The following PAPPA variants were observed in gnomAD, a reference collection of about 807,000 sequenced individuals.
PAPPA encodes the protein pappalysin-1.
In PAPPA, 60 loss-of-function variants were observed where a neutral mutation model predicts 164.0. That is an observed-to-expected ratio of 0.37 (90% confidence interval 0.30 to 0.45). The LOEUF is 0.45. PAPPA is among the 20% of genes least tolerant of loss of function. The pLI is 1.00. For synonymous variants in PAPPA, 875 were observed against 814.1 expected (o/e 1.07, Z -1.27); for missense variants, 1,782 against 2,087.3 (o/e 0.85, Z 2.85).
chr9:116,394,190 G>T (rs1846931220), intron 21 of PAPPA, among the ~76,000 whole-genome samples: 2 of 152,138 alleles, frequency 1.3e-5, no homozygotes, highest in African/African-American at 4.8e-5. Flanking sequence ...AGTGTGGAAG[G>T]TGGGCGGTGG....
rs149924835 is a variant in PAPPA, at chr9:116,198,499, A to C, written c.1479-8957A>C. 6.3e-3 allele frequency among the ~76,000 whole-genome samples: 964 copies of C among 152,368 alleles called. 12 individuals carry two copies. Among genetic ancestry groups the C allele is most frequent in the African/African-American group, 0.022 (927 of 41,592 alleles). On this transcript the variant is annotated intron_variant, in intron 2 of 21. Coordinates refer to ENST00000328252, the MANE Select transcript of PAPPA (RefSeq NM_002581.5). ...CTAGAAGTACAACATTGAACATTGC[A>C]CAAGACATCTGTAATTCTGCCCTTT...
At chr9:116,354,537 C>T (rs891029640) in intron 17 of PAPPA, among the ~76,000 whole-genome samples, 10 of 152,136 alleles carry the variant, frequency 6.6e-5, no homozygotes, top group Non-Finnish European at 1.0e-4. Flanking sequence ...TTCAATCAGT[C>T]TTTATTGGTC....
At position 116,228,126 on chromosome 9, in the gene PAPPA, G is replaced by A. The variant is rs186062501; in HGVS notation, c.2233+574G>A. 3.9e-5 allele frequency among the ~76,000 whole-genome samples: 6 copies of A among 152,274 alleles called. No individual in the cohort carries two copies. The East Asian group carries it at 5.8e-4, about 15-fold the overall frequency. On this transcript the variant is annotated intron_variant, in intron 6 of 21. Coordinates refer to ENST00000328252, the MANE Select transcript of PAPPA (RefSeq NM_002581.5). ...CCACTATCAGACTCTTCCCTGCTCA[G>A]GGTTGTCTCTCAGGCTTACCAAGGA... is the stretch of plus-strand genomic sequence containing the variant.
intron 1 of PAPPA, among the ~76,000 whole-genome samples, chr9:116,185,298 T>C (rs888723696): frequency 6.6e-6 from 1 of 152,084 alleles, no homozygotes; most frequent in African/African-American, 2.4e-5. Context: ...TCCTGAAAAA[T>C]GGCTGAGCAG....
chr9:116,224,629 C>T (rs994610192), intron 5 of PAPPA, among the ~76,000 whole-genome samples: 2 of 152,134 alleles, frequency 1.3e-5, no homozygotes, highest in African/African-American at 2.4e-5. Context: ...GCTGCAATAA[C>T]GGAAATATTC....
chr9:116,323,350 C>T (rs1403236764), intron 10 of PAPPA, among the ~76,000 whole-genome samples: 1 of 152,022 alleles, frequency 6.6e-6, no homozygotes, highest in Non-Finnish European at 1.5e-5. Flanking sequence ...CATCCTGGCC[C>T]GTCACAGAGG....
intron 21 of PAPPA, among the ~76,000 whole-genome samples, chr9:116,396,225 A>G (rs1846961052): frequency 6.6e-6 from 1 of 152,218 alleles, no homozygotes; most frequent in Non-Finnish European, 1.5e-5. Context: ...TCTGTCTTAT[A>G]GAGTTGTCAA....
At chr9:116,246,845 T>C (rs1048752610) in intron 7 of PAPPA, among the ~76,000 whole-genome samples, 5 of 152,062 alleles carry the variant, frequency 3.3e-5, no homozygotes, top group African/African-American at 9.7e-5. Context: ...AAAGACCCCA[T>C]CTTGACAAAA....
chr9:116,377,533 C>A, intron 19 of PAPPA, 43 bp from the exon 20 acceptor site: 2 of 1,459,510 alleles, frequency 1.4e-6, no homozygotes. Flanking sequence ...TGGGTCCCTC[C>A]CAATCCCAAG....
intron 9 of PAPPA, 145 bp from the exon 10 acceptor site, chr9:116,302,606 TCAAGAC>T: frequency 3.6e-6 from 2 of 549,308 alleles, no homozygotes; most frequent in Non-Finnish European, 3.2e-6. Flanking sequence ...TCTTTTTTTT[TCAAGAC>T]TGAGTAATAG....
intron 19 of PAPPA, among the ~76,000 whole-genome samples, chr9:116,368,913 G>A (rs777079938): frequency 1.1e-4 from 17 of 152,132 alleles, no homozygotes; most frequent in Non-Finnish European, 2.1e-4. Context: ...CACTCCGAGT[G>A]TATAGACCTG....
chr9:116,294,054 G>A (rs1482346591), intron 9 of PAPPA, among the ~76,000 whole-genome samples: 1 of 152,188 alleles, frequency 6.6e-6, no homozygotes, highest in African/African-American at 2.4e-5. Flanking sequence ...AGGGATTGAG[G>A]TGAGGAAGAT....
chr9:116,288,471 C>G (rs1427087051), intron 9 of PAPPA: 1 of 144,926 alleles, frequency 6.9e-6, no homozygotes. Flanking sequence ...TGCTCCCTCC[C>G]TCCCTCCCTG....
At chr9:116,277,377 C>T (rs949375554) in intron 9 of PAPPA, among the ~76,000 whole-genome samples, 4 of 151,936 alleles carry the variant, frequency 2.6e-5, no homozygotes, top group African/African-American at 4.8e-5. Context: ...ATTAAGGTGA[C>T]GACGAGGGTG....
chr9:116,310,397 G>C (rs7024912), intron 10 of PAPPA, among the ~76,000 whole-genome samples: 1,753 of 152,284 alleles, frequency 0.012, 27 homozygotes, highest in African/African-American at 0.038. Context: ...TCAAGAGCAC[G>C]TGTGCAAGTC....
intron 17 of PAPPA, 29 bp downstream of exon 17, chr9:116,353,822 C>T: frequency 6.4e-7 from 1 of 1,571,186 alleles, no homozygotes. Context: ...GAGATTGATA[C>T]CATGGTCCCT....
chr9:116,254,035 G>T (rs1844892344), intron 7 of PAPPA, among the ~76,000 whole-genome samples: 1 of 152,232 alleles, frequency 6.6e-6, no homozygotes, highest in South Asian at 2.1e-4. Context: ...TCTTTCTCCT[G>T]ATGACTTCTG....
chr9:116,302,253 C>T (rs985101970), intron 9 of PAPPA, among the ~76,000 whole-genome samples: 2 of 152,060 alleles, frequency 1.3e-5, no homozygotes, highest in African/African-American at 4.8e-5. Flanking sequence ...ACAAGGTCTA[C>T]CTTCTTTATA....
Position 116,187,921 on chromosome 9 carries a change from C to G in PAPPA, c.1183C>G (p.Leu395Val). ...CAAGCAATACAACATCTCCTGGGAG[C>G]TGGACGTGCTGGAGGTGAGCAACTC... ...AFKQYNISWELDVLEVSNSSL... is the reference protein window; with the variant it reads ...AFKQYNISWEVDVLEVSNSSL... Residue 395 changes from leucine (L) to valine (V), a missense_variant, in exon 2 of 22, where the codon CTG (leucine) becomes GTG (valine). Physicochemically the swap from Leu to Val is conservative, Grantham distance 32. Transcript: ENST00000328252. The surrounding 1 kb of genome is among the most constrained non-coding windows in gnomAD (Gnocchi z 4.2). The G allele has an allele frequency of 6.2e-7, 1 of 1,614,180 alleles. No individual in the cohort carries two copies. The highest frequency in any genetic ancestry group is 8.5e-7 in the Non-Finnish European group (1 of 1,180,042).
Sources: allele counts gnomAD v4.1 joint callset (sites outside exome capture counted in the v4.1 genomes callset), GRCh38; gene constraint gnomAD v4.1.1; non-coding constraint Gnocchi (gnomAD v3.1); transcripts MANE v1.5; gene names NCBI Gene and HGNC (gene_info 2026-07-23, HGNC 2026-07-21).